The following FBN1 variants were observed in gnomAD, a reference collection of about 807,000 sequenced individuals.
FBN1 encodes fibrillin-1.
FBN1 carries 29 observed loss-of-function variants against 365.1 expected under a neutral mutation model. The ratio of observed to expected loss-of-function variants is 0.08; its 90% CI spans 0.06 to 0.11. The LOEUF (loss-of-function observed/expected upper bound fraction) is 0.11. Among genes scored for constraint, FBN1 ranks in the 10% least tolerant of loss-of-function variants. FBN1 has a pLI of 1.00. For synonymous variants in FBN1, 1,210 were observed against 1,270.5 expected (o/e 0.95, Z 1.01); for missense variants, 2,476 against 3,703.2 (o/e 0.67, Z 8.60).
intron 6 of FBN1, among the ~76,000 whole-genome samples, chr15:48,555,182 T>C (rs1046082796): frequency 1.8e-4 from 27 of 152,164 alleles, no homozygotes; most frequent in Non-Finnish European, 3.5e-4. Context: ...TTCTTCTTGA[T>C]CCAAGGCTAA....
chr15:48,516,194 C>T lies in FBN1; in HGVS notation c.1316G>A (p.Arg439Gln), dbSNP rs568810058. Reference protein sequence around the residue: ...RPPVEYLYPSREPPRVLPVNV... With the variant: ...RPPVEYLYPSQEPPRVLPVNV... ...TTTTGAATTCTTACTTGGTGGCTCCCGAGATGGATACAGATATTCCACTGG... is the reference window on the plus strand; with the variant it reads ...TTTTGAATTCTTACTTGGTGGCTCCTGAGATGGATACAGATATTCCACTGG... The change falls in exon 11 of 66, where the codon CGG becomes CAG. Residue 439 changes from arginine to glutamine, a missense_variant. Coordinates refer to ENST00000316623, the MANE Select transcript of FBN1 (RefSeq NM_000138.5). 1.2e-5 allele frequency: 20 copies of T among 1,613,504 alleles called. 1 individual carries two copies. In the Admixed American group the frequency reaches 2.2e-4, roughly 17 times the overall value.
rs573365707 is a variant in FBN1 at position 48,511,950 on chromosome 15, A to AG, written c.1588+1598dup. Among the ~76,000 whole-genome samples, 795 of 152,310 alleles carry AG rather than the reference A, an allele frequency of 5.2e-3. 8 individuals carry two copies. Among genetic ancestry groups the AG allele is most frequent in the African/African-American group, 0.019 (773 of 41,572 alleles). On this transcript the variant is annotated intron_variant, in intron 13 of 65. Transcript: ENST00000316623. ...TATTTTCTGTTATTGCAAAATGCCT[A>AG]GTATGCTATTTGTACATGTTAATTA...
At chr15:48,613,826 G>A (rs915137006) in intron 2 of FBN1, among the ~76,000 whole-genome samples, 15 of 152,122 alleles carry the variant, frequency 9.9e-5, no homozygotes, top group African/African-American at 3.6e-4. Flanking sequence ...TACTTGGGGG[G>A]CTGAGGCACG....
chr15:48,538,110 T>C (rs1176976047), intron 6 of FBN1, among the ~76,000 whole-genome samples: 1 of 152,222 alleles, frequency 6.6e-6, no homozygotes, highest in Non-Finnish European at 1.5e-5. Context: ...AAATGTAACA[T>C]GGTAATATTA....
chr15:48,584,976 G>A (rs867509439), intron 6 of FBN1, among the ~76,000 whole-genome samples: 5 of 152,184 alleles, frequency 3.3e-5, no homozygotes, highest in Admixed American at 1.3e-4. Context: ...TTCTGGCTTC[G>A]CTTTTGCCTT....
chr15:48,471,989 C>A (rs759449044), intron 35 of FBN1, among the ~76,000 whole-genome samples: 4 of 152,208 alleles, frequency 2.6e-5, no homozygotes, highest in African/African-American at 9.7e-5. Context: ...TCCCAAGGGT[C>A]CCCTATTGAA....
chr15:48,469,469 A>G (rs1234723702), intron 36 of FBN1, among the ~76,000 whole-genome samples: 1 of 152,038 alleles, frequency 6.6e-6, no homozygotes, highest in Non-Finnish European at 1.5e-5. Flanking sequence ...AATTCCAGAT[A>G]TTTAGGACAT....
At chr15:48,545,325 C>T (rs182980891) in intron 6 of FBN1, among the ~76,000 whole-genome samples, 93 of 152,266 alleles carry the variant, frequency 6.1e-4, no homozygotes, top group Non-Finnish European at 8.8e-4. Flanking sequence ...GAATTAAGTT[C>T]ATGAAGAATC....
Position 48,425,728 on chromosome 15 carries a change from T to C in FBN1, c.7330+11A>G, listed in dbSNP as rs1331393999. 3.7e-6 allele frequency: 6 copies of C among 1,612,786 alleles called. No homozygotes were observed. Among genetic ancestry groups the C allele is most frequent in the South Asian group, 2.2e-5 (2 of 91,052 alleles). ...CCACTTGAGGATAAGCCATCAGAAA[T>C]AGACACTTACCTACACAGGAAGTCC... is the stretch of plus-strand genomic sequence containing the variant. On this transcript the variant is annotated intron_variant, in intron 59 of 65. Coordinates refer to ENST00000316623, the MANE Select transcript of FBN1 (RefSeq NM_000138.5).
chr15:48,607,290 A>G (rs1157894140), intron 4 of FBN1, among the ~76,000 whole-genome samples: 3 of 150,606 alleles, frequency 2.0e-5, no homozygotes, highest in Non-Finnish European at 4.4e-5. Context: ...AATATAAACT[A>G]TAGGAAACAA....
chr15:48,550,859 T>C (rs1194706107), intron 6 of FBN1, among the ~76,000 whole-genome samples: 1 of 152,186 alleles, frequency 6.6e-6, no homozygotes, highest in Non-Finnish European at 1.5e-5. Flanking sequence ...TGATTGTCTT[T>C]CATCAGATTG....
At position 48,412,673 on chromosome 15, in the gene FBN1, T is replaced by C. The variant is rs2042873209; in HGVS notation, c.8122A>G (p.Asn2708Asp). ...TAACAAGCCTCTGGGGAGAGTGAATTGTCATCCATTTCACCACTGACAGGT... is the reference window on the plus strand; with the variant it reads ...TAACAAGCCTCTGGGGAGAGTGAATCGTCATCCATTTCACCACTGACAGGT... The part of the protein sequence containing the change: ...EPPVSGEMDD[N>D]SLSPEACYEC... Residue 2708 changes from asparagine to aspartate, a missense_variant, in exon 65 of 66, where the codon AAT (asparagine) becomes GAT (aspartate). This residue lies in a region of FBN1 where 177 missense variants were observed against 192.7 expected (regional missense o/e 0.92). Transcript: ENST00000316623. The C allele has an allele frequency of 1.2e-6, 2 of 1,614,258 alleles. No individual in the cohort carries two copies. The highest frequency in any genetic ancestry group is 1.7e-6 in the Non-Finnish European group (2 of 1,180,030).
At chr15:48,562,647 G>A (rs572661148) in intron 6 of FBN1, among the ~76,000 whole-genome samples, 47 of 152,234 alleles carry the variant, frequency 3.1e-4, no homozygotes, top group African/African-American at 1.1e-3. Flanking sequence ...ATTGCACTAG[G>A]TGGTGATGCC....
At chr15:48,597,255 G>C (rs770851666) in intron 5 of FBN1, among the ~76,000 whole-genome samples, 1 of 152,168 alleles carries the variant, frequency 6.6e-6, no homozygotes, top group Non-Finnish European at 1.5e-5. Flanking sequence ...TCCCTCAAGA[G>C]AATCTCCTGC....
At chr15:48,576,371 T>C (rs1477421767) in intron 6 of FBN1, among the ~76,000 whole-genome samples, 1 of 152,122 alleles carries the variant, frequency 6.6e-6, no homozygotes, top group Admixed American at 6.5e-5. Flanking sequence ...CCTCTCAGCC[T>C]GATTAAATGT....
intron 46 of FBN1, among the ~76,000 whole-genome samples, chr15:48,447,602 G>A (rs1273637383): frequency 6.6e-6 from 1 of 152,122 alleles, no homozygotes; most frequent in Non-Finnish European, 1.5e-5. Context: ...AAAATTTAAT[G>A]AAAGAAAGTT....
At position 48,437,750 on chromosome 15, in the gene FBN1, T is replaced by C. The variant is rs770369058; in HGVS notation, c.6313+18A>G. The C allele has an allele frequency of 1.2e-6, 2 of 1,613,376 alleles. No homozygotes were observed. The highest frequency in any genetic ancestry group is 1.7e-6 in the Non-Finnish European group (2 of 1,179,728). On this transcript the variant is annotated intron_variant, in intron 51 of 65. Transcript: ENST00000316623. ...GCACCCTGCATGGCCCAGAGAGAAA[T>C]GCAGATGACAGACATACCATCAGGT...
chr15:48,495,314 A>C, intron 21 of FBN1, 54 bp from the exon 22 acceptor site: 3 of 1,604,142 alleles, frequency 1.9e-6, no homozygotes, highest in Non-Finnish European at 2.6e-6. Context: ...TCAAACATAC[A>C]CCTTGGAATT....
In FBN1 at chr15:48,441,428, C is replaced by T. The variant is rs1426718; in HGVS notation, c.6163+293G>A. ...CAACTTCCCCCAGGCTTTGCTGTTT[C>T]GGTGGCTCAAGGTGTTTCCCCACTG... On this transcript the variant is annotated intron_variant, in intron 50 of 65. Coordinates refer to ENST00000316623, the MANE Select transcript of FBN1 (RefSeq NM_000138.5). Among the ~76,000 whole-genome samples the T allele has an allele frequency of 0.66, 99,800 of 152,006 alleles. 34,111 individuals carry two copies. Among genetic ancestry groups the T allele is most frequent in the Middle Eastern group, 0.77 (227 of 294 alleles).
Sources: allele counts gnomAD v4.1 joint callset (sites outside exome capture counted in the v4.1 genomes callset), GRCh38; gene constraint gnomAD v4.1.1; regional missense constraint gnomAD v4.1.1; transcripts MANE v1.5; gene names NCBI Gene and HGNC (gene_info 2026-07-23, HGNC 2026-07-21).